PTPRD: variants seen among roughly 807,000 people sequenced by gnomAD.
PTPRD encodes receptor-type tyrosine-protein phosphatase delta.
A neutral mutation model predicts 214.5 loss-of-function variants in PTPRD; 34 were observed. The ratio of observed to expected loss-of-function variants is 0.16; its 90% CI spans 0.12 to 0.21. The LOEUF is 0.21. PTPRD is among the 10% of genes least tolerant of loss of function. The pLI is 1.00. For missense variants in PTPRD, 2,545 were observed against 2,398.7 expected, an observed-to-expected ratio of 1.06 and a Z score of -1.27; for synonymous variants, 1,128 against 845.7, an observed-to-expected ratio of 1.33 and a Z score of -5.79.
At chr9:9,511,816 A>C (rs573286759) in intron 8 of PTPRD, among the ~76,000 whole-genome samples, 7 of 151,918 alleles carry the variant, frequency 4.6e-5, no homozygotes, top group African/African-American at 1.7e-4. Context: ...TGTAGGTCAA[A>C]TGCTCAGAGA....
intron 10 of PTPRD, among the ~76,000 whole-genome samples, chr9:9,118,052 T>A (rs1415775248): frequency 6.6e-6 from 1 of 152,116 alleles, no homozygotes; most frequent in African/African-American, 2.4e-5. Flanking sequence ...AAGCATAAAC[T>A]CCCTGGCTTC....
rs61314978 is a variant in PTPRD at position 10,231,989 on chromosome 9, AGTGT to A, written c.-545+108970_-545+108973del. ...GAGAGAGAGAGAGAGAGAGAGAGAG[AGTGT>A]GTGTGTGTGTGTGTGTGTGTGTGTG... On this transcript the variant is annotated intron_variant, in intron 3 of 45. Coordinates refer to ENST00000381196, the MANE Select transcript of PTPRD (RefSeq NM_002839.4). Among the ~76,000 whole-genome samples the A allele has an allele frequency of 4.7e-3, 435 of 92,478 alleles. 5 individuals are homozygous for A. Among genetic ancestry groups the A allele is most frequent in the African/African-American group, 0.02 (375 of 18,950 alleles). The allele number at this position is 92,478 out of a possible 152,430, so 60.7% of individuals were successfully genotyped here. A position where few individuals can be genotyped will look rare whatever the true frequency, so the allele number is the denominator to read the frequency against.
chr9:9,514,060 C>G (rs1367467938), intron 8 of PTPRD, among the ~76,000 whole-genome samples: 1 of 151,970 alleles, frequency 6.6e-6, no homozygotes, highest in Non-Finnish European at 1.5e-5. Context: ...TGCTAAGTAC[C>G]CCAAAGCAAA....
chr9:8,490,744 C>G (rs761317583), intron 27 of PTPRD, among the ~76,000 whole-genome samples: 13 of 152,068 alleles, frequency 8.5e-5, no homozygotes, highest in Admixed American at 7.2e-4. Context: ...ATGAATCTTA[C>G]GTAGATTACT....
chr9:10,251,201 C>A (rs372887024), intron 3 of PTPRD, among the ~76,000 whole-genome samples: 10 of 151,944 alleles, frequency 6.6e-5, no homozygotes, highest in East Asian at 5.8e-4. Flanking sequence ...TTTGGACAAC[C>A]CTTATGTGAC....
At position 10,304,270 on chromosome 9, in the gene PTPRD, G is replaced by A. The variant is rs138224042; in HGVS notation, c.-545+36693C>T. Among the ~76,000 whole-genome samples the A allele has an allele frequency of 8.5e-5, 13 of 152,132 alleles. No homozygotes were observed. The East Asian group carries it at 2.1e-3, about 25-fold the overall frequency. On this transcript the variant is annotated intron_variant, in intron 3 of 45. Coordinates refer to ENST00000381196, the MANE Select transcript of PTPRD (RefSeq NM_002839.4). The stretch of plus-strand genomic sequence containing the variant: ...TACTGACGGAATGTATCTCAAAATA[G>A]TAAGAGCTATTTATGACAAACCCAC...
chr9:9,103,312 T>A (rs954208749), intron 10 of PTPRD, among the ~76,000 whole-genome samples: 1 of 152,140 alleles, frequency 6.6e-6, no homozygotes, highest in Admixed American at 6.5e-5. Context: ...TTTTTTTCCA[T>A]TGCACCAACT....
rs76920160 is a variant in PTPRD at position 10,230,492 on chromosome 9, C to T, written c.-545+110471G>A. On this transcript the variant is annotated intron_variant, in intron 3 of 45. Transcript: ENST00000381196. ...TCTATCTATCTGTCTATCTACCTAT[C>T]CATCTATTATCTATGTATCTATCTA... Among the ~76,000 whole-genome samples, 26 of 151,818 alleles carry T rather than the reference C, an allele frequency of 1.7e-4. No individual in the cohort carries two copies. The East Asian group carries it at 5.1e-3, about 30-fold the overall frequency.
chr9:8,626,630 C>T (rs576226418), intron 14 of PTPRD, among the ~76,000 whole-genome samples: 31 of 151,852 alleles, frequency 2.0e-4, no homozygotes, highest in African/African-American at 7.5e-4. Context: ...GTGGGCAACC[C>T]TTATCCAATC....
At chr9:9,736,362 C>T (rs1029498330) in intron 6 of PTPRD, among the ~76,000 whole-genome samples, 13 of 152,148 alleles carry the variant, frequency 8.5e-5, no homozygotes, top group African/African-American at 1.9e-4. Context: ...TTGCTCATAA[C>T]TGCAGTTAGT....
At chr9:9,639,506 A>G (rs921861233) in intron 7 of PTPRD, among the ~76,000 whole-genome samples, 3 of 152,136 alleles carry the variant, frequency 2.0e-5, no homozygotes, top group African/African-American at 7.2e-5. Flanking sequence ...TTATCTCAAT[A>G]CCTCCAAAAT....
chr9:10,350,178 T>C (rs1292371380), intron 2 of PTPRD, among the ~76,000 whole-genome samples: 1 of 152,134 alleles, frequency 6.6e-6, no homozygotes, highest in Non-Finnish European at 1.5e-5. Context: ...CTGGATTATA[T>C]CTTAAGAAAG....
chr9:9,162,262 A>G (rs2099891139), intron 10 of PTPRD, among the ~76,000 whole-genome samples: 1 of 152,122 alleles, frequency 6.6e-6, no homozygotes, highest in African/African-American at 2.4e-5. Flanking sequence ...TGCTAATCTT[A>G]CCCAGGCTCT....
intron 7 of PTPRD, among the ~76,000 whole-genome samples, chr9:9,575,451 T>A (rs557444300): frequency 6.6e-6 from 1 of 151,990 alleles, no homozygotes; most frequent in South Asian, 2.1e-4. Flanking sequence ...CCAGGTGCGG[T>A]GGCTCATGCC....
intron 7 of PTPRD, among the ~76,000 whole-genome samples, chr9:9,726,955 CAG>C (rs1304290555): frequency 6.6e-6 from 1 of 152,034 alleles, no homozygotes; most frequent in Non-Finnish European, 1.5e-5. Context: ...CAATAACAAA[CAG>C]AGAATAATAA....
chr9:8,330,820 AAT>A (rs1243963400), intron 44 of PTPRD, among the ~76,000 whole-genome samples: 2 of 151,082 alleles, frequency 1.3e-5, no homozygotes, highest in African/African-American at 4.9e-5. Context: ...GCTGAAGCAA[AAT>A]ATATTTTTTA....
intron 11 of PTPRD, among the ~76,000 whole-genome samples, chr9:8,800,065 C>G (rs969017699): frequency 6.6e-5 from 10 of 151,834 alleles, no homozygotes; most frequent in African/African-American, 2.4e-4. Flanking sequence ...GACGGCACTA[C>G]CATTATTTGT....
chr9:8,533,316 T>C (rs1344881472), intron 14 of PTPRD, among the ~76,000 whole-genome samples: 1 of 152,024 alleles, frequency 6.6e-6, no homozygotes, highest in Non-Finnish European at 1.5e-5. Context: ...CCTTTGACTC[T>C]GACCCCAACT....
chr9:8,607,348 A>C (rs2095266048), intron 14 of PTPRD, among the ~76,000 whole-genome samples: 1 of 152,156 alleles, frequency 6.6e-6, no homozygotes, highest in African/African-American at 2.4e-5. Context: ...AAATTCATAA[A>C]ATAAGTAGGA....
Sources: allele counts gnomAD v4.1 joint callset (sites outside exome capture counted in the v4.1 genomes callset), GRCh38; gene constraint gnomAD v4.1.1; transcripts MANE v1.5; gene names NCBI Gene and HGNC (gene_info 2026-07-23, HGNC 2026-07-21).